Variants in CASKIN2 observed in about 807,000 individuals in gnomAD.
CASKIN2 encodes CASK interacting protein 2, also known as caskin-2.
A neutral mutation model predicts 107.1 loss-of-function variants in CASKIN2; 41 were observed. The ratio of observed to expected loss-of-function variants is 0.38; its 90% confidence interval spans 0.30 to 0.50. The LOEUF (loss-of-function observed/expected upper bound fraction) is 0.50. Ranked by LOEUF, CASKIN2 falls within the 20% of genes least tolerant of loss-of-function variation. The pLI is 0.92. For synonymous variants in CASKIN2, 724 were observed against 705.6 expected (o/e 1.03, Z -0.41); for missense variants, 1,546 against 1,657.4 (o/e 0.93, Z 1.17).
In CASKIN2 at chr17:75,513,692, C is replaced by G; in HGVS notation, c.94+19G>C. On this transcript the variant is annotated intron_variant, in intron 2 of 19. Coordinates refer to ENST00000321617, the MANE Select transcript of CASKIN2 (RefSeq NM_020753.5). The stretch of plus-strand genomic sequence containing the variant: ...GAGCGCTCGGCCTCAGCGGGATGCT[C>G]GTCCCACCCGGTACTCACTTGTCTT... 1.2e-6 allele frequency: 2 copies of G among 1,608,204 alleles called. No homozygotes were observed. Among genetic ancestry groups the G allele is most frequent in the Non-Finnish European group, 1.7e-6 (2 of 1,175,170 alleles).
chr17:75,506,509 GT>G lies in CASKIN2; in HGVS notation c.617+73del. Reference sequence around the variant, plus strand: ...ATGGAGAGCCCGGGTGAAAAGGGCAGTGGGGGAGAGCACTGAGGGGCACCGA... The same window carrying G: ...ATGGAGAGCCCGGGTGAAAAGGGCAGGGGGGAGAGCACTGAGGGGCACCGA... On this transcript the variant is annotated intron_variant, in intron 7 of 19. Coordinates refer to ENST00000321617, the MANE Select transcript of CASKIN2 (RefSeq NM_020753.5). This position sits in a 1 kb window ranked among gnomAD's most constrained non-coding sequence, Gnocchi z 4.8. 6.2e-7 allele frequency: 1 copy of G among 1,600,592 alleles called. No individual in the cohort carries two copies. The highest frequency in any genetic ancestry group is 8.5e-7 in the Non-Finnish European group (1 of 1,173,026).
In CASKIN2 at chr17:75,511,557, T is replaced by C. The variant is rs916086789; in HGVS notation, c.94+2154A>G. 1.5e-4 allele frequency among the ~76,000 whole-genome samples: 23 copies of C among 152,228 alleles called. 2 individuals carry two copies. The highest frequency in any genetic ancestry group is 1.0e-3 in the Admixed American group (16 of 15,286). ...CAAGTGAGGAAATTATAATATTTCA[T>C]ACACTATAAGGTTTGCAAATGTCAC... is the stretch of plus-strand genomic sequence containing the variant. On this transcript the variant is annotated intron_variant, in intron 2 of 19. Transcript: ENST00000321617.
rs1357596940 is a variant in CASKIN2, at chr17:75,504,436, G to A, written c.1359C>T (p.His453=). The A allele has an allele frequency of 1.9e-6, 3 of 1,607,396 alleles. No individual in the cohort carries two copies. Among genetic ancestry groups the A allele is most frequent in the African/African-American group, 1.3e-5 (1 of 74,954 alleles). The change falls in exon 13 of 20, where the codon CAC becomes CAT. Residue 453 remains histidine (H), a synonymous_variant. Coordinates refer to ENST00000321617, the MANE Select transcript of CASKIN2 (RefSeq NM_020753.5). Reference sequence around the variant, plus strand: ...CCTTCCTACCTGCCAGGGACGGCGGGTGGAGTCCTGGCAGCACCTGGTCCT... The same window carrying A: ...CCTTCCTACCTGCCAGGGACGGCGGATGGAGTCCTGGCAGCACCTGGTCCT... ...AGEDQVLPGL[H]PPSLADNLSH...
intron 2 of CASKIN2, among the ~76,000 whole-genome samples, chr17:75,512,469 G>A (rs572540985): frequency 1.4e-4 from 22 of 152,280 alleles, no homozygotes; most frequent in Admixed American, 2.6e-4. Flanking sequence ...CCCACAGCCC[G>A]GTCAGGTCTC....
Position 75,513,901 on chromosome 17 carries a change from G to A in CASKIN2, c.-97C>T. 1 of 1,110,106 alleles carries A rather than the reference G, an allele frequency of 9.0e-7. No homozygotes were observed. The allele number at this position is 1,110,106 out of a possible 1,614,324, so 68.8% of individuals were successfully genotyped here. ...TCAGGGCGCCATGCCACAGCCCCTT[G>A]GAGGGCTCCCGGTTCCGGGGGAGCA... is the stretch of plus-strand genomic sequence containing the variant. On this transcript the variant is annotated 5_prime_UTR_variant, in exon 2 of 20. Coordinates refer to ENST00000321617, the MANE Select transcript of CASKIN2 (RefSeq NM_020753.5).
chr17:75,508,128 G>A, intron 3 of CASKIN2, 106 bp downstream of exon 3: 1 of 1,264,232 alleles, frequency 7.9e-7, no homozygotes. Flanking sequence ...CCAAGTCTGA[G>A]AGGGAAAGGG....
At chr17:75,509,966 G>A (rs973133062) in intron 2 of CASKIN2, 18 of 980,292 alleles carry the variant, frequency 1.8e-5, no homozygotes, top group Non-Finnish European at 2.1e-5. Context: ...CCGGAAAGGC[G>A]GTGGGGAAGA....
Position 75,500,853 on chromosome 17 carries a change from G to A in CASKIN2, c.*227C>T. On this transcript the variant is annotated 3_prime_UTR_variant, in exon 20 of 20. Coordinates refer to ENST00000321617, the MANE Select transcript of CASKIN2 (RefSeq NM_020753.5). ...CTCAATCGATCAAACCCTGGGAGGG[G>A]CTTTGCTGAGATGCAGCGGAGGTCC... 1.8e-6 allele frequency: 1 copy of A among 544,926 alleles called. No homozygotes were observed. Among genetic ancestry groups the A allele is most frequent in the Admixed American group, 3.1e-5 (1 of 31,972 alleles). The allele number at this position is 544,926 out of a possible 1,614,324, so 33.8% of individuals were successfully genotyped here.
intron 2 of CASKIN2, among the ~76,000 whole-genome samples, chr17:75,511,501 A>G (rs1372844255): frequency 1.3e-5 from 2 of 152,154 alleles, no homozygotes; most frequent in African/African-American, 4.8e-5. Context: ...CCTTATCTAC[A>G]GAACGGATAT....
Position 75,508,276 on chromosome 17 carries a change from C to A in CASKIN2, c.104G>T (p.Gly35Val), listed in dbSNP as rs767355641. The A allele has an allele frequency of 6.2e-7, 1 of 1,613,756 alleles. No individual in the cohort carries two copies. Among genetic ancestry groups the A allele is most frequent in the Non-Finnish European group, 8.5e-7 (1 of 1,179,854 alleles). Residue 35 changes from glycine (G) to valine (V), a missense_variant, in exon 3 of 20, where the codon GGC becomes GTC. Around this residue, in one of 6 missense-constraint regions of CASKIN2, gnomAD observed 136 missense variants for 198.6 expected, o/e 0.68. Coordinates refer to ENST00000321617, the MANE Select transcript of CASKIN2 (RefSeq NM_020753.5). The part of the protein sequence containing the change: ...KVKATKTKLL[G>V]STKRLNVNYQ... The stretch of plus-strand genomic sequence containing the variant: ...GTTCACGTTGAGCCTCTTTGTGGAG[C>A]CCAGGAGCTCTAGGGGTCAGGATAG...
intron 1 of CASKIN2, among the ~76,000 whole-genome samples, chr17:75,514,590 C>T (rs939366595): frequency 1.7e-4 from 26 of 152,138 alleles, no homozygotes; most frequent in African/African-American, 5.8e-4. Context: ...GAGGTGGGGC[C>T]GGGAGGGTCA....
chr17:75,505,486 A>G lies in CASKIN2; in HGVS notation c.930+71T>C, dbSNP rs1481527285. The G allele has an allele frequency of 1.4e-6, 2 of 1,426,654 alleles. No homozygotes were observed. Among genetic ancestry groups the G allele is most frequent in the Non-Finnish European group, 2.0e-6 (2 of 1,010,612 alleles). 88.4% of individuals were successfully genotyped at this position (1,426,654 alleles called of 1,614,324 possible). A position where few individuals can be genotyped will look rare whatever the true frequency, so the allele number is the denominator to read the frequency against. ...AGACCTCAGAGCAGAACGTGGTAAC[A>G]TAGCAGGTGCCCAAATAAGTAACAG... On this transcript the variant is annotated intron_variant, in intron 10 of 19. Coordinates refer to ENST00000321617, the MANE Select transcript of CASKIN2 (RefSeq NM_020753.5). The surrounding 1 kb of genome is among the most constrained non-coding windows in gnomAD (Gnocchi z 5.1).
rs145097504 is a variant in CASKIN2, at chr17:75,507,686, T to G, written c.147-5A>C. ...GCGTGGTGGAGGGCAGAGAATCTGA[T>G]GTGGGAGGACACAAAGTTAGGGGTG... On this transcript the variant is annotated splice_polypyrimidine_tract_variant and splice_region_variant and intron_variant, in intron 3 of 19. Transcript: ENST00000321617. 9 of 1,609,048 alleles carry G rather than the reference T, an allele frequency of 5.6e-6. No individual in the cohort carries two copies. In the East Asian group the frequency reaches 6.7e-5, roughly 12 times the overall value.
chr17:75,507,109 C>T lies in CASKIN2; in HGVS notation c.265G>A (p.Ala89Thr), dbSNP rs1471819376. 3.1e-6 allele frequency: 5 copies of T among 1,609,432 alleles called. No individual in the cohort carries two copies. The highest frequency in any genetic ancestry group is 4.2e-6 in the Non-Finnish European group (5 of 1,178,898). ...DSNGMRPLHY[A>T]AWQGRLEPVR... ...GGCTCCAGCCGGCCCTGCCAGGCTG[C>T]GTAGTGCAGCGGGCGCATGCCTGGC... The change falls in exon 5 of 20, where the codon GCA becomes ACA. Residue 89 changes from alanine (A) to threonine (T), a missense_variant. Physicochemically the swap from Ala to Thr is moderately conservative, Grantham distance 58 (BLOSUM62 0). Around this residue, in one of 6 missense-constraint regions of CASKIN2, gnomAD observed 136 missense variants for 198.6 expected, o/e 0.68. Coordinates refer to ENST00000321617, the MANE Select transcript of CASKIN2 (RefSeq NM_020753.5).
At position 75,503,405 on chromosome 17, in the gene CASKIN2, A is replaced by C; in HGVS notation, c.1803T>G (p.Ile601Met). The C allele has an allele frequency of 6.2e-7, 1 of 1,612,540 alleles. No homozygotes were observed. Among genetic ancestry groups the C allele is most frequent in the Non-Finnish European group, 8.5e-7 (1 of 1,179,740 alleles). Reference sequence around the variant, plus strand: ...AGTCCTTACCGAGCTTGTTGACCCCAATCTCCTGCAGCTCCTCCCAGGTGA... The same window carrying C: ...AGTCCTTACCGAGCTTGTTGACCCCCATCTCCTGCAGCTCCTCCCAGGTGA... ...ADLTWEELQEIGVNKLGHQKK... is the reference protein window; with the variant it reads ...ADLTWEELQEMGVNKLGHQKK... The change falls in exon 17 of 20, where the codon ATT becomes ATG. Residue 601 changes from isoleucine to methionine, a missense_variant. This residue lies in a region of CASKIN2 where 1,311 missense variants were observed against 1,311.0 expected (regional missense o/e 1.00). Transcript: ENST00000321617.
chr17:75,511,188 G>A (rs55792876), intron 2 of CASKIN2, among the ~76,000 whole-genome samples: 9,186 of 150,836 alleles, frequency 0.061, 891 homozygotes, highest in African/African-American at 0.21. Flanking sequence ...ATCCTCCTGA[G>A]TAGCTGGGAC....
At chr17:75,511,658 C>T (rs1473713807) in intron 2 of CASKIN2, among the ~76,000 whole-genome samples, 1 of 152,234 alleles carries the variant, frequency 6.6e-6, no homozygotes, top group African/African-American at 2.4e-5. Context: ...GCCAGGGCCT[C>T]ATAAGGAATC....
intron 2 of CASKIN2, among the ~76,000 whole-genome samples, chr17:75,511,562 TA>T (rs1188277277): frequency 3.9e-5 from 6 of 152,350 alleles, no homozygotes; most frequent in African/African-American, 1.4e-4. Flanking sequence ...TTTCATACAC[TA>T]TAAGGTTTGC....
chr17:75,503,228 C>A lies in CASKIN2; in HGVS notation c.1846G>T (p.Val616Leu). 3 of 1,596,014 alleles carry A rather than the reference C, an allele frequency of 1.9e-6. No individual in the cohort carries two copies. The highest frequency in any genetic ancestry group is 1.7e-6 in the Non-Finnish European group (2 of 1,172,672). ...CGCCGAAGCTCCGCCAGCCGCTTCA[C>A]CCCCAGCATGAGCTTCTTCTGATGC... is the stretch of plus-strand genomic sequence containing the variant. The part of the protein sequence containing the change: ...LGHQKKLMLG[V>L]KRLAELRRGL... The change falls in exon 18 of 20, where the codon GTG (valine) becomes TTG (leucine). Residue 616 changes from valine (V) to leucine (L), a missense_variant. By Grantham distance (32) the Val-to-Leu change is conservative. Around this residue, in one of 6 missense-constraint regions of CASKIN2, gnomAD observed 1,311 missense variants for 1,311.0 expected, o/e 1.00. Coordinates refer to ENST00000321617, the MANE Select transcript of CASKIN2 (RefSeq NM_020753.5).
Sources: allele counts gnomAD v4.1 joint callset (sites outside exome capture counted in the v4.1 genomes callset), GRCh38; gene constraint gnomAD v4.1.1; regional missense constraint gnomAD v4.1.1; non-coding constraint Gnocchi (gnomAD v3.1); transcripts MANE v1.5; gene names NCBI Gene and HGNC (gene_info 2026-07-23, HGNC 2026-07-21).